Variants in MYOM1 observed in about 807,000 individuals in gnomAD.
MYOM1 encodes the protein myomesin 1.
Under a neutral mutation model 205.3 loss-of-function variants are expected in MYOM1, and 164 were observed. The observed-to-expected ratio is 0.80, with a 90% CI of 0.70 to 0.91. The LOEUF (loss-of-function observed/expected upper bound fraction) is 0.91. Among genes scored for constraint, MYOM1 ranks in the 40% least tolerant of loss-of-function variants. MYOM1 has a pLI of 0.00. For missense variants in MYOM1, 2,011 were observed against 2,127.3 expected (o/e 0.95, Z 1.08); for synonymous variants, 772 against 789.4 (o/e 0.98, Z 0.37).
chr18:3,239,233 G>A, the MYOM1 span, among the ~76,000 whole-genome samples: 178 of 152,314 alleles, frequency 1.2e-3, no homozygotes, highest in African/African-American at 4.2e-3. Flanking sequence ...GAAAACAGAG[G>A]AGCTGGCTTT....
At chr18:3,165,268 T>C (rs1412173243) in intron 9 of MYOM1, among the ~76,000 whole-genome samples, 2 of 152,232 alleles carry the variant, frequency 1.3e-5, no homozygotes, top group Non-Finnish European at 2.9e-5. Flanking sequence ...CTCTATTTAA[T>C]TTTAAGTGTG....
chr18:3,084,941 A>C, intron 31 of MYOM1, 104 bp downstream of exon 31: 1 of 921,438 alleles, frequency 1.1e-6, no homozygotes, highest in South Asian at 1.8e-5. Flanking sequence ...TCTGTGGACA[A>C]AAAAAATCAG....
intron 16 of MYOM1, among the ~76,000 whole-genome samples, chr18:3,133,634 A>G (rs886158956): frequency 2.0e-5 from 3 of 152,136 alleles, no homozygotes; most frequent in African/African-American, 7.2e-5. Flanking sequence ...TGTTAAGTAG[A>G]GTGTATTATA....
intron 22 of MYOM1, among the ~76,000 whole-genome samples, chr18:3,110,215 G>A (rs774353912): frequency 6.6e-6 from 1 of 152,068 alleles, no homozygotes; most frequent in Non-Finnish European, 1.5e-5. Context: ...TCCATGCTGT[G>A]GGTGTGCGTG....
intron 10 of MYOM1, among the ~76,000 whole-genome samples, chr18:3,157,680 A>AAT (rs2080321520): frequency 2.1e-5 from 3 of 139,732 alleles, no homozygotes; most frequent in Non-Finnish European, 4.6e-5. Flanking sequence ...TTGTCTCCAA[A>AAT]AATAATAATA....
rs151219242 is a variant in MYOM1, at chr18:3,154,072, A to G, written c.1643+875T>C. 2.9e-3 allele frequency among the ~76,000 whole-genome samples: 436 copies of G among 152,252 alleles called. 1 individual carries two copies. Among genetic ancestry groups the G allele is most frequent in the Non-Finnish European group, 4.9e-3 (333 of 68,014 alleles). On this transcript the variant is annotated intron_variant, in intron 11 of 37. Transcript: ENST00000356443. ...TGTTGTTACTTCTTTGTATAACTTG[A>G]AAACACATCCTGAGGTAGAAATAAG...
At chr18:3,208,478 G>A (rs1296674261) in intron 2 of MYOM1, among the ~76,000 whole-genome samples, 2 of 152,086 alleles carry the variant, frequency 1.3e-5, no homozygotes, top group African/African-American at 2.4e-5. Context: ...AGCTGAGATC[G>A]CACCACTGCA....
At chr18:3,142,265 G>GT (rs202105531) in intron 13 of MYOM1, among the ~76,000 whole-genome samples, 38 of 151,558 alleles carry the variant, frequency 2.5e-4, no homozygotes, top group African/African-American at 9.0e-4. Flanking sequence ...TGTTGTTTTG[G>GT]TTTTTTTTGG....
chr18:3,215,316 A>T, intron 1 of MYOM1, 65 bp from the exon 2 acceptor site: 1 of 1,244,598 alleles, frequency 8.0e-7, no homozygotes, highest in Non-Finnish European at 1.1e-6. Context: ...CAAGTCATCT[A>T]AATCAATGTG....
At chr18:3,211,067 C>G (rs765838986) in intron 2 of MYOM1, among the ~76,000 whole-genome samples, 1 of 152,186 alleles carries the variant, frequency 6.6e-6, no homozygotes, top group Non-Finnish European at 1.5e-5. Flanking sequence ...CATCCCACAA[C>G]CTAAGAAACC....
chr18:3,225,022 C>T, the MYOM1 span, among the ~76,000 whole-genome samples: 1 of 151,358 alleles, frequency 6.6e-6, no homozygotes, highest in Admixed American at 6.6e-5. Context: ...GAGTCTCGCT[C>T]TTTCACCCAG....
intron 23 of MYOM1, among the ~76,000 whole-genome samples, chr18:3,101,328 T>C (rs1311809673): frequency 6.6e-6 from 1 of 152,210 alleles, no homozygotes; most frequent in African/African-American, 2.4e-5. Flanking sequence ...TCCAATGTGG[T>C]TGACACTATG....
In MYOM1 at chr18:3,067,170, T is replaced by C. The variant is rs2078904292; in HGVS notation, c.*92A>G. On this transcript the variant is annotated 3_prime_UTR_variant, in exon 38 of 38. Coordinates refer to ENST00000356443, the MANE Select transcript of MYOM1 (RefSeq NM_003803.4). ...ATTTTCCCCTCAAGCCAGAAAATAA[T>C]AGGGAGGAGAAAGCATGAAGACGTC... The C allele has an allele frequency of 5.9e-6, 8 of 1,355,680 alleles. No homozygotes were observed. The highest frequency in any genetic ancestry group is 7.9e-6 in the Non-Finnish European group (8 of 1,006,592). 84.0% of individuals were successfully genotyped at this position (1,355,680 alleles called of 1,614,324 possible).
At chr18:3,075,884 T>A in intron 34 of MYOM1, 123 bp from the exon 35 acceptor site, 1 of 826,620 alleles carries the variant, frequency 1.2e-6, no homozygotes, top group Non-Finnish European at 2.0e-6. Flanking sequence ...CGACTTTGAT[T>A]AAGACTGTGC....
At chr18:3,124,751 A>G (rs1206972084) in intron 19 of MYOM1, among the ~76,000 whole-genome samples, 7 of 152,190 alleles carry the variant, frequency 4.6e-5, no homozygotes. Flanking sequence ...GTAAGTGGCA[A>G]AATAGTATAG....
intron 2 of MYOM1, among the ~76,000 whole-genome samples, chr18:3,196,154 C>A (rs1053043912): frequency 3.9e-5 from 6 of 151,968 alleles, no homozygotes; most frequent in Admixed American, 6.6e-5. Context: ...ATTGAGGCTA[C>A]CAAACAAAAC....
At chr18:3,102,666 G>A (rs751328764) in intron 22 of MYOM1, 36 bp from the exon 23 acceptor site, 12 of 1,589,632 alleles carry the variant, frequency 7.5e-6, no homozygotes, top group Non-Finnish European at 1.0e-5. Context: ...ATACTTCGTG[G>A]AGGAAAGCAA....
intron 5 of MYOM1, among the ~76,000 whole-genome samples, chr18:3,177,923 T>C (rs1182930082): frequency 2.0e-5 from 3 of 152,240 alleles, no homozygotes; most frequent in Non-Finnish European, 2.9e-5. Context: ...TTTTTCTGAC[T>C]GTTCCATATC....
intron 5 of MYOM1, among the ~76,000 whole-genome samples, chr18:3,184,657 G>A (rs764085977): frequency 2.6e-5 from 4 of 152,130 alleles, no homozygotes; most frequent in Non-Finnish European, 4.4e-5. Flanking sequence ...CTTGTTGTTC[G>A]TTTGTTTTAA....
Sources: gnomAD v4.1 joint callset for allele counts (sites outside exome capture counted in the v4.1 genomes callset) on GRCh38, gnomAD v4.1.1 for gene constraint, MANE v1.5 for transcripts, NCBI Gene and HGNC (gene_info 2026-07-23, HGNC 2026-07-21) for gene names.